EXT1: variants seen among roughly 807,000 people sequenced by gnomAD.
EXT1 encodes the protein exostosin glycosyltransferase 1.
In EXT1, 20 loss-of-function variants were observed where a neutral mutation model predicts 82.5. That is an observed-to-expected ratio of 0.24 (90% CI 0.17 to 0.35). The LOEUF is 0.35. EXT1 is among the 10% of genes least tolerant of loss of function. The pLI is 1.00. For synonymous variants in EXT1, 348 were observed against 350.8 expected (o/e 0.99, Z 0.09); for missense variants, 757 against 936.5 (o/e 0.81, Z 2.50).
chr8:118,078,898 C>G (rs964108586), intron 1 of EXT1, among the ~76,000 whole-genome samples: 9 of 152,140 alleles, frequency 5.9e-5, no homozygotes, highest in African/African-American at 2.2e-4. Context: ...GAATTCCATT[C>G]AAATATTAAG....
chr8:117,959,914 G>T (rs1311356996), intron 1 of EXT1, among the ~76,000 whole-genome samples: 1 of 152,146 alleles, frequency 6.6e-6, no homozygotes, highest in Admixed American at 6.5e-5. Flanking sequence ...CAACAGATTG[G>T]CACATAATAA....
At chr8:117,836,908 T>C (rs1812196516) in intron 2 of EXT1, among the ~76,000 whole-genome samples, 200 bp downstream of exon 2, 1 of 152,228 alleles carries the variant, frequency 6.6e-6, no homozygotes, top group African/African-American at 2.4e-5. Flanking sequence ...TTTAATTTCT[T>C]ACATCTAAAA....
intron 1 of EXT1, among the ~76,000 whole-genome samples, chr8:118,097,009 C>T (rs893638729): frequency 6.6e-6 from 1 of 151,994 alleles, no homozygotes; most frequent in Non-Finnish European, 1.5e-5. Flanking sequence ...GGTGCTGAGG[C>T]TCTGAAGGTA....
intron 1 of EXT1, among the ~76,000 whole-genome samples, chr8:117,857,313 T>C (rs1812582838): frequency 6.6e-6 from 1 of 152,126 alleles, no homozygotes; most frequent in Non-Finnish European, 1.5e-5. Context: ...CCTGGCAATT[T>C]GAGAGGCCAA....
chr8:117,821,673 C>T (rs533701984), intron 5 of EXT1, among the ~76,000 whole-genome samples: 15 of 152,164 alleles, frequency 9.9e-5, no homozygotes, highest in African/African-American at 3.1e-4. Context: ...GAGGGTGTTA[C>T]GGAGAACAAC....
At chr8:118,016,699 T>C (rs989898386) in intron 1 of EXT1, among the ~76,000 whole-genome samples, 15 of 152,192 alleles carry the variant, frequency 9.9e-5, no homozygotes, top group Non-Finnish European at 5.9e-5. Context: ...CTAACCCCAG[T>C]CTCTAGCAGA....
At chr8:118,006,136 T>C (rs141113648) in intron 1 of EXT1, among the ~76,000 whole-genome samples, 1 of 152,352 alleles carries the variant, frequency 6.6e-6, no homozygotes, top group East Asian at 1.9e-4. Flanking sequence ...CTTATTCCTC[T>C]TAACATCTCT....
chr8:118,003,272 G>T (rs541897429), intron 1 of EXT1, among the ~76,000 whole-genome samples: 1 of 152,054 alleles, frequency 6.6e-6, no homozygotes, highest in African/African-American at 2.4e-5. Flanking sequence ...AGAGGGATGA[G>T]GAATAAAAGA....
chr8:117,804,538 T>C, intron 10 of EXT1, among the ~76,000 whole-genome samples, 184 bp downstream of exon 10: 1 of 152,222 alleles, frequency 6.6e-6, no homozygotes. Context: ...TACTCTTAAC[T>C]TGTGTCTTCC....
chr8:117,985,700 T>G (rs541209235), intron 1 of EXT1, among the ~76,000 whole-genome samples: 2 of 152,330 alleles, frequency 1.3e-5, no homozygotes, highest in South Asian at 4.1e-4. Flanking sequence ...ATTCTTAGCT[T>G]TATAAACTGT....
intron 1 of EXT1, among the ~76,000 whole-genome samples, chr8:117,963,952 C>T (rs1321719164): frequency 6.6e-6 from 1 of 152,134 alleles, no homozygotes; most frequent in Non-Finnish European, 1.5e-5. Flanking sequence ...CCCTCCCAAC[C>T]CTTTCATCAT....
At chr8:117,898,100 T>G (rs1169632061) in intron 1 of EXT1, among the ~76,000 whole-genome samples, 1 of 152,236 alleles carries the variant, frequency 6.6e-6, no homozygotes, top group Non-Finnish European at 1.5e-5. Context: ...TAATTTTTCT[T>G]GACCCCAAAG....
chr8:117,859,035 T>G (rs1022911712), intron 1 of EXT1, among the ~76,000 whole-genome samples: 2 of 152,220 alleles, frequency 1.3e-5, no homozygotes, highest in African/African-American at 4.8e-5. Context: ...TCACAAGTAC[T>G]TTTTTAGCAG....
At chr8:117,988,087 C>CAAAT (rs1307398941) in intron 1 of EXT1, among the ~76,000 whole-genome samples, 1 of 152,136 alleles carries the variant, frequency 6.6e-6, no homozygotes, top group Non-Finnish European at 1.5e-5. Context: ...GATCCTGTCA[C>CAAAT]AAATAAATAA....
intron 1 of EXT1, among the ~76,000 whole-genome samples, chr8:117,995,120 A>AT (rs1225260329): frequency 6.6e-6 from 1 of 152,084 alleles, no homozygotes; most frequent in African/African-American, 2.4e-5. Context: ...TTTCACCCTC[A>AT]TTTTTTTAAG....
intron 1 of EXT1, among the ~76,000 whole-genome samples, chr8:117,894,491 T>C (rs1453609165): frequency 6.6e-6 from 1 of 152,132 alleles, no homozygotes; most frequent in African/African-American, 2.4e-5. Context: ...ACAGAATCAG[T>C]CCAAAGAGAA....
chr8:117,963,397 G>T (rs1389974905), intron 1 of EXT1, among the ~76,000 whole-genome samples: 1 of 152,156 alleles, frequency 6.6e-6, no homozygotes, highest in East Asian at 1.9e-4. Flanking sequence ...AAAACTCCAT[G>T]TCTTATTTGC....
chr8:118,018,657 C>T (rs892055508), intron 1 of EXT1, among the ~76,000 whole-genome samples: 5 of 152,164 alleles, frequency 3.3e-5, no homozygotes, highest in African/African-American at 4.8e-5. Context: ...TACGCACATA[C>T]ATTGAGAGTT....
intron 1 of EXT1, among the ~76,000 whole-genome samples, chr8:117,999,842 T>C (rs1815622747): frequency 1.3e-5 from 2 of 152,116 alleles, no homozygotes; most frequent in South Asian, 4.1e-4. Flanking sequence ...GGAAAATCAT[T>C]TTATTTTTCA....
Sources: gnomAD v4.1 joint callset for allele counts (sites outside exome capture counted in the v4.1 genomes callset) on GRCh38, gnomAD v4.1.1 for gene constraint, MANE v1.5 for transcripts, NCBI Gene and HGNC (gene_info 2026-07-23, HGNC 2026-07-21) for gene names.